PYHIN1: variants seen among roughly 807,000 people sequenced by gnomAD.
The protein encoded by PYHIN1 is pyrin and HIN domain family member 1, also known as pyrin and HIN domain-containing protein 1.
Under a neutral mutation model 43.7 loss-of-function variants are expected in PYHIN1, and 32 were observed. The observed-to-expected ratio is 0.73, with a 90% confidence interval of 0.55 to 0.98. PYHIN1 has a LOEUF of 0.98. PYHIN1 is among the 50% of genes least tolerant of loss of function. The pLI is 0.00. For missense variants in PYHIN1, 588 were observed against 589.5 expected (o/e 1.00, Z 0.03); for synonymous variants, 205 against 203.1 (o/e 1.01, Z -0.08).
intron 4 of PYHIN1, chr1:158,939,474 C>G (rs890677558): frequency 1.6e-5 from 25 of 1,551,048 alleles, no homozygotes; most frequent in Non-Finnish European, 2.2e-5. Context: ...GGGGAAGAGA[C>G]AGAGAACTGC....
At position 158,931,744 on chromosome 1, in the gene PYHIN1, A is replaced by T. The variant is rs932662477; in HGVS notation, c.-53A>T. The T allele has an allele frequency of 5.9e-5, 9 of 152,184 alleles. No individual in the cohort carries two copies. Among genetic ancestry groups the T allele is most frequent in the Admixed American group, 3.3e-4 (5 of 15,276 alleles). The allele number at this position is 152,184 out of a possible 1,614,324, so 9.4% of individuals were successfully genotyped here. On this transcript the variant is annotated 5_prime_UTR_variant, in exon 1 of 9. Transcript: ENST00000368140. ...TTCCTACATTTCTGAAGATCTCAAG[A>T]TCTGGACTACTGTTGAAGAAATTCC...
chr1:158,945,760 T>A (rs949043900), intron 7 of PYHIN1, among the ~76,000 whole-genome samples: 10 of 152,210 alleles, frequency 6.6e-5, no homozygotes, highest in Non-Finnish European at 1.3e-4. Flanking sequence ...AGAAAAAAAC[T>A]ACAAGTCCCA....
At chr1:158,938,038 T>G (rs184574794) in intron 2 of PYHIN1, among the ~76,000 whole-genome samples, 114 of 152,190 alleles carry the variant, frequency 7.5e-4, no homozygotes, top group African/African-American at 2.6e-3. Context: ...GTAATTTAAA[T>G]AGATTATCTG....
In PYHIN1 at chr1:158,943,913, T is replaced by C. The variant is rs764529524; in HGVS notation, c.1126T>C (p.Cys376Arg). ...CEKGDKLRLF[C>R]FRLRKRENMS... ...AAAAGGAGATAAGCTTCGACTCTTCTGCTTTCGACTGAGAAAGAGGGAAAA... is the reference window on the plus strand; with the variant it reads ...AAAAGGAGATAAGCTTCGACTCTTCCGCTTTCGACTGAGAAAGAGGGAAAA... The change falls in exon 6 of 9, where the codon TGC becomes CGC. Residue 376 changes from cysteine to arginine, a missense_variant. Physicochemically the swap from Cys to Arg is radical, Grantham distance 180. Transcript: ENST00000368140. The C allele has an allele frequency of 1.9e-6, 3 of 1,607,978 alleles. No homozygotes were observed. Among genetic ancestry groups the C allele is most frequent in the Non-Finnish European group, 1.7e-6 (2 of 1,175,780 alleles).
intron 7 of PYHIN1, among the ~76,000 whole-genome samples, chr1:158,954,507 C>G (rs1649793592): frequency 1.3e-5 from 2 of 150,784 alleles, no homozygotes; most frequent in South Asian, 4.3e-4. Flanking sequence ...AATTAAGCTT[C>G]ATAAGTGAAG....
At chr1:158,971,480 C>T (rs13374535) in intron 7 of PYHIN1, among the ~76,000 whole-genome samples, 1,593 of 151,784 alleles carry the variant, frequency 0.01, 37 homozygotes, top group African/African-American at 0.037. Context: ...AAATCTGAAA[C>T]GGTTGTGATT....
chr1:158,980,047 C>T (rs1283857480), downstream of PYHIN1, among the ~76,000 whole-genome samples: 1 of 152,114 alleles, frequency 6.6e-6, no homozygotes, highest in East Asian at 1.9e-4. Context: ...ATCTATGTTC[C>T]TGCAAAGGAC....
rs1314724669 is a variant in PYHIN1, at chr1:158,942,157, G to T, written c.760G>T (p.Val254Phe). The T allele has an allele frequency of 1.2e-6, 2 of 1,614,086 alleles. No homozygotes were observed. Among genetic ancestry groups the T allele is most frequent in the South Asian group, 1.1e-5 (1 of 91,068 alleles). Residue 254 changes from valine to phenylalanine, a missense_variant, in exon 5 of 9, where the codon GTT becomes TTT. By Grantham distance (50) the Val-to-Phe change is conservative. Transcript: ENST00000368140. ...GCAGACACAGTTCTTTCATGTGAAG[G>T]TTTTAAACATCAACTTGAAGAGGAA... is the stretch of plus-strand genomic sequence containing the variant. ...ATQTQFFHVK[V>F]LNINLKRKFI...
intron 1 of PYHIN1, among the ~76,000 whole-genome samples, chr1:158,934,097 A>AC (rs1043149208): frequency 3.3e-5 from 5 of 152,064 alleles, no homozygotes; most frequent in African/African-American, 1.2e-4. Flanking sequence ...TTTCTTTTGT[A>AC]CCTGGGGGGC....
In PYHIN1 at chr1:158,942,207, T is replaced by G. The variant is rs1480326600; in HGVS notation, c.810T>G (p.Ile270Met). Residue 270 changes from isoleucine to methionine, a missense_variant, in exon 5 of 9, where the codon ATT (isoleucine) becomes ATG (methionine). Physicochemically the swap from Ile to Met is conservative, Grantham distance 10. Coordinates refer to ENST00000368140, the MANE Select transcript of PYHIN1 (RefSeq NM_152501.5). ...AATTCATTAAAAAGAGAATCATCAT[T>G]ATATCAAATTATTCCAAACGTAATA... The part of the protein sequence containing the change: ...KRKFIKKRII[I>M]ISNYSKRNSL... The G allele has an allele frequency of 1.9e-6, 3 of 1,613,952 alleles. No individual in the cohort carries two copies. The highest frequency in any genetic ancestry group is 2.5e-6 in the Non-Finnish European group (3 of 1,179,912).
At chr1:158,975,561 CTG>C (rs925386602) in intron 8 of PYHIN1, among the ~76,000 whole-genome samples, 4 of 151,996 alleles carry the variant, frequency 2.6e-5, no homozygotes, top group African/African-American at 7.2e-5. Flanking sequence ...ATTTTTCTAA[CTG>C]AGCTTCTACT....
the PYHIN1 span, among the ~76,000 whole-genome samples, chr1:158,985,995 C>G: frequency 3.9e-5 from 6 of 152,096 alleles, no homozygotes; most frequent in Non-Finnish European, 8.8e-5. Flanking sequence ...GAGTTTTCAG[C>G]TCTAGTAGGT....
chr1:158,937,082 G>T lies in PYHIN1; in HGVS notation c.172G>T (p.Gly58Cys). Residue 58 changes from glycine to cysteine, a missense_variant, in exon 2 of 9, where the codon GGT becomes TGT. Gly to Cys is a radical substitution (Grantham distance 159). Transcript: ENST00000368140. Reference protein sequence around the residue: ...IADLMEEKFPGDAGLGKLIEF... With the variant: ...IADLMEEKFPCDAGLGKLIEF... ...TGACTTGATGGAGGAAAAGTTCCCA[G>T]GTGATGCCGGTTTGGGCAAACTAAT... 2 of 1,614,142 alleles carry T rather than the reference G, an allele frequency of 1.2e-6. No homozygotes were observed. The highest frequency in any genetic ancestry group is 1.7e-6 in the Non-Finnish European group (2 of 1,180,000).
intron 7 of PYHIN1, among the ~76,000 whole-genome samples, chr1:158,950,361 C>T (rs1009703102): frequency 2.6e-4 from 39 of 152,140 alleles, no homozygotes; most frequent in African/African-American, 7.7e-4. Flanking sequence ...AGGTAATGTC[C>T]GGGGCTTGTG....
At chr1:158,986,662 C>T in the PYHIN1 span, among the ~76,000 whole-genome samples, 2 of 152,186 alleles carry the variant, frequency 1.3e-5, no homozygotes, top group East Asian at 1.9e-4. Flanking sequence ...ACCAGCCCCA[C>T]CCTTTGAGCA....
Position 158,938,397 on chromosome 1 carries a change from T to A in PYHIN1, c.266T>A (p.Val89Asp). The A allele has an allele frequency of 6.2e-7, 1 of 1,614,146 alleles. No individual in the cohort carries two copies. The highest frequency in any genetic ancestry group is 8.5e-7 in the Non-Finnish European group (1 of 1,179,994). Residue 89 changes from valine (V) to aspartate (D), a missense_variant and splice_region_variant, in exon 3 of 9, where the codon GTT (valine) becomes GAT (aspartate). By Grantham distance (152) the Val-to-Asp change is radical (BLOSUM62 -3). Transcript: ENST00000368140. The stretch of plus-strand genomic sequence containing the variant: ...TACATCTTCCTTTTTTCTGCATTAG[T>A]TGCAAATAAAATTGAATCCATTCCA... ...AETLKREKLK[V>D]ANKIESIPVK...
chr1:158,982,310 A>AT, the PYHIN1 span, among the ~76,000 whole-genome samples: 2 of 151,850 alleles, frequency 1.3e-5, no homozygotes, highest in South Asian at 2.1e-4. Flanking sequence ...TATTGAGTAG[A>AT]TTTTTTATAT....
intron 7 of PYHIN1, among the ~76,000 whole-genome samples, chr1:158,959,075 G>A (rs562183950): frequency 2.6e-4 from 39 of 151,280 alleles, no homozygotes; most frequent in Admixed American, 8.6e-4. Flanking sequence ...CTCACTGACC[G>A]TGCAGTTTTT....
intron 7 of PYHIN1, among the ~76,000 whole-genome samples, chr1:158,957,540 C>G (rs1650019841): frequency 6.6e-6 from 1 of 150,766 alleles, no homozygotes; most frequent in African/African-American, 2.4e-5. Flanking sequence ...GCTGGGAAAA[C>G]TGGCTAGCCA....
Sources: allele counts gnomAD v4.1 joint callset (sites outside exome capture counted in the v4.1 genomes callset), GRCh38; gene constraint gnomAD v4.1.1; transcripts MANE v1.5; gene names NCBI Gene and HGNC (gene_info 2026-07-23, HGNC 2026-07-21).